Variants in ERBB4 observed in about 807,000 individuals in gnomAD.
ERBB4 encodes the protein erb-b2 receptor tyrosine kinase 4.
A neutral mutation model predicts 158.0 loss-of-function variants in ERBB4; 42 were observed. The observed-to-expected ratio is 0.27, with a 90% CI of 0.21 to 0.34. ERBB4 has a LOEUF of 0.34. Among genes scored for constraint, ERBB4 ranks in the 10% least tolerant of loss-of-function variants. The pLI, the probability that ERBB4 is intolerant of heterozygous loss-of-function variation, is 1.00. For missense variants in ERBB4, 1,333 were observed against 1,624.1 expected, an observed-to-expected ratio of 0.82 and a Z score of 3.08; for synonymous variants, 583 against 558.7, an observed-to-expected ratio of 1.04 and a Z score of -0.61.
intron 3 of ERBB4, among the ~76,000 whole-genome samples, chr2:211,849,296 G>C (rs1025136074): frequency 3.3e-5 from 5 of 151,930 alleles, no homozygotes; most frequent in Non-Finnish European, 5.9e-5. Flanking sequence ...AAACAGATGG[G>C]AGTATTCTAA....
chr2:211,980,376 T>C (rs2081754902), intron 2 of ERBB4, among the ~76,000 whole-genome samples: 1 of 152,156 alleles, frequency 6.6e-6, no homozygotes, highest in Non-Finnish European at 1.5e-5. Context: ...GATGGTAACA[T>C]AAATGGTTAA....
At chr2:212,534,807 G>A (rs760367254) in intron 1 of ERBB4, among the ~76,000 whole-genome samples, 1 of 152,082 alleles carries the variant, frequency 6.6e-6, no homozygotes, top group Non-Finnish European at 1.5e-5. Context: ...CTACATATTT[G>A]AATCCACTTT....
chr2:212,397,958 G>A (rs545824179), intron 1 of ERBB4, among the ~76,000 whole-genome samples: 8 of 151,884 alleles, frequency 5.3e-5, no homozygotes, highest in South Asian at 2.1e-4. Flanking sequence ...AACATCATAC[G>A]GCCATTTCAA....
chr2:211,702,263 T>A (rs1344361551), intron 11 of ERBB4, 97 bp from the exon 12 acceptor site: 16 of 904,102 alleles, frequency 1.8e-5, no homozygotes, highest in Non-Finnish European at 2.2e-5. Context: ...TAATGGTGTA[T>A]AAATGGAAAC....
At chr2:211,508,862 G>T (rs377210472) in intron 20 of ERBB4, among the ~76,000 whole-genome samples, 3 of 152,008 alleles carry the variant, frequency 2.0e-5, no homozygotes, top group South Asian at 2.1e-4. Flanking sequence ...CCCAGGAGGC[G>T]GAGCTTGCAG....
intron 1 of ERBB4, among the ~76,000 whole-genome samples, chr2:212,530,715 G>A (rs34857643): frequency 0.16 from 24,298 of 152,052 alleles, 2,425 homozygotes; most frequent in Non-Finnish European, 0.23. Context: ...GCAGGTTTAT[G>A]ATCCCCACTT....
At chr2:211,610,170 T>C (rs553779837) in intron 19 of ERBB4, among the ~76,000 whole-genome samples, 1 of 152,284 alleles carries the variant, frequency 6.6e-6, no homozygotes, top group Non-Finnish European at 1.5e-5. Flanking sequence ...GATACATATG[T>C]CTTTTTATTA....
chr2:212,014,940 C>A (rs201582228), intron 2 of ERBB4, among the ~76,000 whole-genome samples: 1 of 149,054 alleles, frequency 6.7e-6, no homozygotes, highest in Non-Finnish European at 1.5e-5. Context: ...CGCCTGTAAT[C>A]GCAGCACTTT....
At chr2:211,604,019 T>C (rs1559340830) in intron 19 of ERBB4, among the ~76,000 whole-genome samples, 1 of 152,256 alleles carries the variant, frequency 6.6e-6, no homozygotes, top group East Asian at 1.9e-4. Flanking sequence ...AAATTCTTTC[T>C]AATCTCTCAA....
intron 3 of ERBB4, among the ~76,000 whole-genome samples, chr2:211,814,281 T>G (rs1455840661): frequency 6.6e-6 from 1 of 152,186 alleles, no homozygotes; most frequent in African/African-American, 2.4e-5. Flanking sequence ...GTAACTTTAC[T>G]TCATAGTAGG....
intron 3 of ERBB4, among the ~76,000 whole-genome samples, chr2:211,899,306 C>T (rs561130223): frequency 1.1e-4 from 16 of 152,190 alleles, no homozygotes; most frequent in African/African-American, 3.8e-4. Flanking sequence ...ATCTTCATTT[C>T]CTCTATCTAT....
chr2:212,188,373 A>G (rs1407445063), intron 1 of ERBB4, among the ~76,000 whole-genome samples: 1 of 149,928 alleles, frequency 6.7e-6, no homozygotes, highest in African/African-American at 2.4e-5. Context: ...CTGTATTATA[A>G]CATCCTCTTA....
chr2:211,772,924 CATATATATATATATATATAT>C (rs1159274288), intron 4 of ERBB4, among the ~76,000 whole-genome samples: 1 of 36,738 alleles, frequency 2.7e-5, no homozygotes, highest in Non-Finnish European at 4.6e-5. Context: ...CACACACACA[CATATATATATATATATATAT>C]ATATATATAT....
rs556096206 is a variant in ERBB4 at position 211,870,899 on chromosome 2, G to A, written c.421+76531C>T. ...CAGTATAAGGGAATTCAATTTGTTC[G>A]TTCATTCAACAATCAATTACTAAGT... On this transcript the variant is annotated intron_variant, in intron 3 of 27. Coordinates refer to ENST00000342788, the MANE Select transcript of ERBB4 (RefSeq NM_005235.3). Among the ~76,000 whole-genome samples, 20 of 152,096 alleles carry A rather than the reference G, an allele frequency of 1.3e-4. 1 individual carries two copies. The South Asian group carries it at 3.3e-3, about 25-fold the overall frequency.
At chr2:211,692,850 G>T (rs2106002426) in intron 12 of ERBB4, among the ~76,000 whole-genome samples, 1 of 151,962 alleles carries the variant, frequency 6.6e-6, no homozygotes. Context: ...CCATCATTCA[G>T]TCTTTCATAA....
chr2:212,080,022 C>A (rs1275927606), intron 2 of ERBB4, among the ~76,000 whole-genome samples: 1 of 151,670 alleles, frequency 6.6e-6, no homozygotes, highest in African/African-American at 2.4e-5. Flanking sequence ...GAGCTCCTCA[C>A]ATAAAAAAAA....
At chr2:212,318,534 C>CAA (rs77344896) in intron 1 of ERBB4, among the ~76,000 whole-genome samples, 1 of 150,370 alleles carries the variant, frequency 6.7e-6, no homozygotes, top group African/African-American at 2.5e-5. Context: ...GAGAAAAAGA[C>CAA]AAAAAAAAAT....
chr2:211,636,745 G>A (rs1187598103), intron 16 of ERBB4, among the ~76,000 whole-genome samples: 1 of 151,726 alleles, frequency 6.6e-6, no homozygotes, highest in Non-Finnish European at 1.5e-5. Context: ...GTTGGGGTAT[G>A]TGTGTATGTG....
At chr2:211,913,327 C>T (rs1010165405) in intron 3 of ERBB4, among the ~76,000 whole-genome samples, 1 of 152,100 alleles carries the variant, frequency 6.6e-6, no homozygotes, top group African/African-American at 2.4e-5. Context: ...AGGCCGGGTG[C>T]AGTGGCTCAC....
Sources: allele counts gnomAD v4.1 joint callset (sites outside exome capture counted in the v4.1 genomes callset), GRCh38; gene constraint gnomAD v4.1.1; transcripts MANE v1.5; gene names NCBI Gene and HGNC (gene_info 2026-07-23, HGNC 2026-07-21).